SNX9: variants seen among roughly 807,000 people sequenced by gnomAD.
SNX9 encodes sorting nexin-9.
SNX9 carries 44 observed loss-of-function variants against 89.4 expected under a neutral mutation model. That is an observed-to-expected ratio of 0.49 (90% confidence interval 0.39 to 0.63). SNX9 has a LOEUF of 0.63. SNX9 is among the 30% of genes least tolerant of loss of function. The pLI is 0.00. For missense variants in SNX9, 578 were observed against 736.1 expected, an observed-to-expected ratio of 0.79 and a Z score of 2.49; for synonymous variants, 236 against 247.8, an observed-to-expected ratio of 0.95 and a Z score of 0.45.
At position 157,910,040 on chromosome 6, in the gene SNX9, T is replaced by C. The variant is rs759943482; in HGVS notation, c.949+15T>C. 3.2e-6 allele frequency: 5 copies of C among 1,582,866 alleles called. No individual in the cohort carries two copies. The African/African-American group carries it at 6.7e-5, about 21-fold the overall frequency. ...ACAAGTCACAGGTGAGTGTGTGTAA[T>C]GCTAAACCCAGGATGACAAATAGAA... On this transcript the variant is annotated intron_variant, in intron 9 of 17. Transcript: ENST00000392185.
intron 7 of SNX9, among the ~76,000 whole-genome samples, chr6:157,906,575 T>C (rs1783221566): frequency 6.6e-6 from 1 of 152,254 alleles, no homozygotes. Context: ...AAAGTACATG[T>C]ATGTTATCAG....
chr6:157,937,332 T>C (rs1241151491), intron 14 of SNX9, 102 bp from the exon 15 acceptor site: 2 of 745,524 alleles, frequency 2.7e-6, no homozygotes, highest in Non-Finnish European at 4.5e-6. Flanking sequence ...AATAATTTAG[T>C]GTAGCACATG....
chr6:157,911,688 G>A (rs978797267), intron 9 of SNX9, among the ~76,000 whole-genome samples: 3 of 152,102 alleles, frequency 2.0e-5, no homozygotes, highest in Admixed American at 6.5e-5. Flanking sequence ...GTTAAGATGT[G>A]GACTGACTAA....
intron 4 of SNX9, among the ~76,000 whole-genome samples, chr6:157,895,629 A>C (rs1782962332): frequency 6.6e-6 from 1 of 152,216 alleles, no homozygotes; most frequent in Non-Finnish European, 1.5e-5. Context: ...TTAAGAGAAA[A>C]AAAAAAAGTA....
At chr6:157,928,028 G>C (rs929955257) in intron 11 of SNX9, among the ~76,000 whole-genome samples, 1 of 152,162 alleles carries the variant, frequency 6.6e-6, no homozygotes, top group South Asian at 2.1e-4. Flanking sequence ...TCCTCTGTAC[G>C]TATGTAATTA....
At chr6:157,895,651 T>A (rs1782962905) in intron 4 of SNX9, among the ~76,000 whole-genome samples, 1 of 151,570 alleles carries the variant, frequency 6.6e-6, no homozygotes, top group Non-Finnish European at 1.5e-5. Flanking sequence ...CGAGCAAAAA[T>A]AATACAATTT....
intron 12 of SNX9, 148 bp downstream of exon 12, chr6:157,928,850 C>G (rs1357354871): frequency 1.8e-6 from 1 of 569,368 alleles, no homozygotes; most frequent in East Asian, 3.5e-5. Flanking sequence ...TCTGCTTGAT[C>G]TCACTTCACC....
chr6:157,893,944 G>A (rs1226854722), intron 4 of SNX9, among the ~76,000 whole-genome samples: 1 of 152,000 alleles, frequency 6.6e-6, no homozygotes. Context: ...TAAGAAACAA[G>A]AGAGTCCAGC....
intron 11 of SNX9, 67 bp downstream of exon 11, chr6:157,927,281 A>T: frequency 8.9e-7 from 1 of 1,119,518 alleles, no homozygotes; most frequent in Non-Finnish European, 1.3e-6. Flanking sequence ...ATCAGGCTTC[A>T]GCCAGTGTAG....
At chr6:157,934,115 G>A (rs1783873270) in intron 13 of SNX9, 1 of 152,162 alleles carries the variant, frequency 6.6e-6, no homozygotes, top group Admixed American at 6.5e-5. Flanking sequence ...TTGCAATAAT[G>A]TAAATGGGTT....
chr6:157,929,573 C>T (rs987004494), intron 12 of SNX9, among the ~76,000 whole-genome samples: 1 of 152,184 alleles, frequency 6.6e-6, no homozygotes, highest in Non-Finnish European at 1.5e-5. Context: ...GCCTTCACCT[C>T]ATAACACCAT....
At chr6:157,915,640 A>AAATATATATATATATAT (rs1472422303) in intron 9 of SNX9, among the ~76,000 whole-genome samples, 3 of 95,148 alleles carry the variant, frequency 3.2e-5, no homozygotes, top group African/African-American at 9.3e-5. Flanking sequence ...AAAAAAAAAA[A>AAATATATATATATATAT]ATATATATAT....
intron 4 of SNX9, among the ~76,000 whole-genome samples, chr6:157,883,187 C>T (rs968383499): frequency 2.0e-5 from 3 of 152,074 alleles, no homozygotes; most frequent in African/African-American, 7.2e-5. Context: ...TGATCGTTAG[C>T]GATTTTTAGC....
chr6:157,886,748 A>G (rs1369741971), intron 4 of SNX9, among the ~76,000 whole-genome samples: 1 of 152,246 alleles, frequency 6.6e-6, no homozygotes, highest in Non-Finnish European at 1.5e-5. Flanking sequence ...CATGTTTCAA[A>G]GTAAGAAGTT....
At chr6:157,898,131 G>C (rs1175358879) in intron 5 of SNX9, among the ~76,000 whole-genome samples, 4 of 152,222 alleles carry the variant, frequency 2.6e-5, no homozygotes, top group Non-Finnish European at 5.9e-5. Context: ...AGACCAGATG[G>C]CTATTTCTTA....
In SNX9 at chr6:157,906,143, G is replaced by A. The variant is rs138249048; in HGVS notation, c.636G>A (p.Ala212=). 15 of 1,609,330 alleles carry A rather than the reference G, an allele frequency of 9.3e-6. No individual in the cohort carries two copies. The highest frequency in any genetic ancestry group is 4.0e-5 in the African/African-American group (3 of 74,510). The stretch of plus-strand genomic sequence containing the variant: ...TCATGATTAGATTTCCTGGATTTGC[G>A]AAACCTGGCACGGAACAGTATTTGT... ...KIPLNKFPGF[A]KPGTEQYLLA... Residue 212 remains alanine, a synonymous_variant, in exon 7 of 18, where the codon GCG becomes GCA. Transcript: ENST00000392185.
At chr6:157,847,233 G>T (rs78646917) in intron 1 of SNX9, among the ~76,000 whole-genome samples, 1,808 of 152,166 alleles carry the variant, frequency 0.012, 33 homozygotes, top group African/African-American at 0.039. Context: ...CTCCAAGTTA[G>T]CTGAGACCAC....
At chr6:157,842,510 G>A (rs1781722529) in intron 1 of SNX9, among the ~76,000 whole-genome samples, 1 of 152,196 alleles carries the variant, frequency 6.6e-6, no homozygotes, top group South Asian at 2.1e-4. Context: ...CTGTGCGGGA[G>A]ACCTGAGTTT....
chr6:157,938,955 G>A (rs1783981511), intron 16 of SNX9, among the ~76,000 whole-genome samples: 1 of 152,138 alleles, frequency 6.6e-6, no homozygotes, highest in African/African-American at 2.4e-5. Flanking sequence ...ATAGATGACA[G>A]CTTGATTAAA....
Sources: allele counts gnomAD v4.1 joint callset (sites outside exome capture counted in the v4.1 genomes callset), GRCh38; gene constraint gnomAD v4.1.1; transcripts MANE v1.5; gene names NCBI Gene and HGNC (gene_info 2026-07-23, HGNC 2026-07-21).